LRMDA: variants seen among roughly 807,000 people sequenced by gnomAD.
The protein encoded by LRMDA is leucine rich melanocyte differentiation associated, also known as leucine-rich melanocyte differentiation-associated protein.
Under a neutral mutation model 29.8 loss-of-function variants are expected in LRMDA, and 18 were observed. The observed-to-expected ratio is 0.60, with a 90% CI of 0.42 to 0.90. The LOEUF is 0.90. Ranked by LOEUF, LRMDA falls within the 40% of genes least tolerant of loss-of-function variation. The probability of loss-of-function intolerance (pLI) is 0.00; values close to 1 mark genes in which losing one functional copy is unlikely to be tolerated. For synonymous variants in LRMDA, 125 were observed against 109.4 expected (o/e 1.14, Z -0.89); for missense variants, 273 against 273.9 (o/e 1.00, Z 0.02).
At chr10:75,568,353 A>G (rs976909272) in intron 2 of LRMDA, among the ~76,000 whole-genome samples, 3 of 152,238 alleles carry the variant, frequency 2.0e-5, no homozygotes, top group Non-Finnish European at 2.9e-5. Flanking sequence ...GAGGGCACCT[A>G]CTGCATGTTA....
intron 6 of LRMDA, among the ~76,000 whole-genome samples, chr10:76,372,148 T>A (rs143420696): frequency 6.6e-6 from 1 of 152,178 alleles, no homozygotes; most frequent in Non-Finnish European, 1.5e-5. Context: ...TTCTTAGACT[T>A]ATGTAAGATG....
intron 2 of LRMDA, among the ~76,000 whole-genome samples, chr10:75,913,437 C>T (rs1016068416): frequency 6.6e-6 from 1 of 152,160 alleles, no homozygotes; most frequent in African/African-American, 2.4e-5. Flanking sequence ...GCCTGGACGA[C>T]ACAGCGAGAC....
At chr10:76,545,992 G>A (rs1015524096) in intron 6 of LRMDA, among the ~76,000 whole-genome samples, 3 of 152,226 alleles carry the variant, frequency 2.0e-5, no homozygotes, top group South Asian at 2.1e-4. Context: ...TCTGGGGAAC[G>A]GGGCTTGGCA....
At chr10:76,174,130 T>A (rs1411156769) in intron 5 of LRMDA, among the ~76,000 whole-genome samples, 1 of 152,184 alleles carries the variant, frequency 6.6e-6, no homozygotes, top group Non-Finnish European at 1.5e-5. Context: ...ACACTTTCCG[T>A]TTCATTCTGT....
chr10:76,468,742 AACACATAAAT>A (rs564663390), intron 6 of LRMDA, among the ~76,000 whole-genome samples: 400 of 152,328 alleles, frequency 2.6e-3, no homozygotes, highest in African/African-American at 9.3e-3. Context: ...CTTCTCACAG[AACACATAAAT>A]ACACAGAAGA....
intron 2 of LRMDA, among the ~76,000 whole-genome samples, chr10:75,634,082 A>C (rs560785412): frequency 5.9e-5 from 9 of 152,358 alleles, no homozygotes; most frequent in Admixed American, 1.3e-4. Flanking sequence ...AATTATCTTA[A>C]GGGAATTCAA....
chr10:76,058,216 C>T (rs913274275), intron 4 of LRMDA, among the ~76,000 whole-genome samples: 6 of 152,236 alleles, frequency 3.9e-5, no homozygotes, highest in African/African-American at 1.4e-4. Flanking sequence ...TCACTTGTAA[C>T]CCACAGTCAT....
chr10:76,209,128 C>T (rs2132243147), intron 5 of LRMDA, among the ~76,000 whole-genome samples: 1 of 152,150 alleles, frequency 6.6e-6, no homozygotes, highest in African/African-American at 2.4e-5. Context: ...GCACTCCAGC[C>T]TAGGCAACAA....
intron 5 of LRMDA, among the ~76,000 whole-genome samples, chr10:76,317,662 C>A (rs184572866): frequency 6.6e-6 from 1 of 152,202 alleles, no homozygotes; most frequent in Non-Finnish European, 1.5e-5. Flanking sequence ...CAACCTCTGC[C>A]TCCCGGGTTC....
At chr10:76,474,570 G>T (rs902870593) in intron 6 of LRMDA, among the ~76,000 whole-genome samples, 1 of 151,582 alleles carries the variant, frequency 6.6e-6, no homozygotes, top group Non-Finnish European at 1.5e-5. Flanking sequence ...CAAAGGAATT[G>T]AATATATTTG....
chr10:75,834,850 C>T (rs991494075), intron 2 of LRMDA, among the ~76,000 whole-genome samples: 2 of 152,132 alleles, frequency 1.3e-5, no homozygotes, highest in Non-Finnish European at 2.9e-5. Context: ...GGTTTCTCTG[C>T]GACAGTCCTC....
At chr10:75,726,064 C>T (rs1409831038) in intron 2 of LRMDA, among the ~76,000 whole-genome samples, 4 of 152,124 alleles carry the variant, frequency 2.6e-5, no homozygotes, top group Non-Finnish European at 4.4e-5. Context: ...GTCAACACTA[C>T]TGGAAAAATG....
intron 2 of LRMDA, among the ~76,000 whole-genome samples, chr10:75,626,377 G>A (rs1299590794): frequency 2.0e-5 from 3 of 152,162 alleles, no homozygotes; most frequent in African/African-American, 7.2e-5. Context: ...GCTGGTCAGG[G>A]GTAGGGGGCA....
At position 76,558,767 on chromosome 10, in the gene LRMDA, C is replaced by T. The variant is rs1391817005; in HGVS notation, c.*1479C>T. The T allele has an allele frequency of 6.6e-6, 1 of 152,158 alleles. No individual in the cohort carries two copies. The highest frequency in any genetic ancestry group is 1.5e-5 in the Non-Finnish European group (1 of 68,036). The allele number at this position is 152,158 out of a possible 1,614,324, so 9.4% of individuals were successfully genotyped here. A position where few individuals can be genotyped will look rare whatever the true frequency, so the allele number is the denominator to read the frequency against. On this transcript the variant is annotated 3_prime_UTR_variant, in exon 7 of 7. Coordinates refer to ENST00000611255, the MANE Select transcript of LRMDA (RefSeq NM_001305581.2). The stretch of plus-strand genomic sequence containing the variant: ...TACTTTCTCAGCTCTAGCCCGTTTA[C>T]ATAGCCTCTGGCCCACTGAGTCAAC...
intron 2 of LRMDA, among the ~76,000 whole-genome samples, chr10:75,446,211 G>T (rs1844393731): frequency 6.6e-6 from 1 of 152,222 alleles, no homozygotes. Context: ...AAGGCTTTGG[G>T]GTTGGACCAT....
intron 6 of LRMDA, among the ~76,000 whole-genome samples, chr10:76,553,199 G>A (rs1257856037): frequency 4.6e-5 from 7 of 152,340 alleles, no homozygotes; most frequent in Non-Finnish European, 1.0e-4. Context: ...CACACAGACA[G>A]CTGCACGTCA....
intron 6 of LRMDA, among the ~76,000 whole-genome samples, chr10:76,486,043 T>G (rs1842779531): frequency 1.3e-5 from 2 of 151,986 alleles, no homozygotes; most frequent in Admixed American, 1.3e-4. Context: ...AATAGATGCT[T>G]CATTATGCAT....
chr10:76,223,302 G>A (rs534404543), intron 5 of LRMDA, among the ~76,000 whole-genome samples: 2 of 152,132 alleles, frequency 1.3e-5, no homozygotes, highest in South Asian at 4.2e-4. Flanking sequence ...CTTAAATACT[G>A]AATAGAGAAA....
intron 5 of LRMDA, among the ~76,000 whole-genome samples, chr10:76,168,638 TGA>T (rs1850782489): frequency 6.6e-6 from 1 of 151,944 alleles, no homozygotes; most frequent in Admixed American, 6.6e-5. Context: ...AAGGGGATGA[TGA>T]GTAGATGAAA....
Sources: allele counts gnomAD v4.1 joint callset (sites outside exome capture counted in the v4.1 genomes callset), GRCh38; gene constraint gnomAD v4.1.1; transcripts MANE v1.5; gene names NCBI Gene and HGNC (gene_info 2026-07-23, HGNC 2026-07-21).